Variants in SLCO1C1 observed in about 807,000 individuals in gnomAD.
The protein encoded by SLCO1C1 is solute carrier organic anion transporter family member 1C1, also known as OAT-RP-5.
A neutral mutation model predicts 76.4 loss-of-function variants in SLCO1C1; 70 were observed. The ratio of observed to expected loss-of-function variants is 0.92; its 90% CI spans 0.76 to 1.12. SLCO1C1 has a LOEUF of 1.12. Ranked by LOEUF, SLCO1C1 falls within the 50% of genes most tolerant of loss-of-function variation. The pLI is 0.00. For missense variants in SLCO1C1, 912 were observed against 823.8 expected (o/e 1.11, Z -1.31); for synonymous variants, 306 against 286.1 (o/e 1.07, Z -0.70).
At chr12:20,719,137 A>G (rs1051443130) in intron 7 of SLCO1C1, among the ~76,000 whole-genome samples, 3 of 123,590 alleles carry the variant, frequency 2.4e-5, no homozygotes, top group Non-Finnish European at 5.1e-5. Flanking sequence ...TTATTAGCTT[A>G]CCCATTATGG....
chr12:20,706,515 C>A (rs1314478463), intron 4 of SLCO1C1, among the ~76,000 whole-genome samples: 1 of 152,118 alleles, frequency 6.6e-6, no homozygotes, highest in Non-Finnish European at 1.5e-5. Context: ...AATGTCCATA[C>A]AGTATCTCTT....
At chr12:20,698,398 CT>C (rs1283204568) in intron 1 of SLCO1C1, among the ~76,000 whole-genome samples, 1 of 152,032 alleles carries the variant, frequency 6.6e-6, no homozygotes, top group African/African-American at 2.4e-5. Flanking sequence ...TTCCCACTCC[CT>C]AGAGGAATCC....
chr12:20,731,756 A>G (rs1185990145), intron 9 of SLCO1C1, among the ~76,000 whole-genome samples: 5 of 152,204 alleles, frequency 3.3e-5, no homozygotes, highest in Non-Finnish European at 5.9e-5. Context: ...AACAAATGGC[A>G]CCAAAGTGCC....
rs11045397 is a variant in SLCO1C1 at position 20,697,754 on chromosome 12, T to C, written c.-25-1798T>C. Among the ~76,000 whole-genome samples, 334 of 152,250 alleles carry C rather than the reference T, an allele frequency of 2.2e-3. 8 individuals are homozygous for C. The East Asian group carries it at 0.058, about 27-fold the overall frequency. On this transcript the variant is annotated intron_variant, in intron 1 of 14. Coordinates refer to ENST00000266509, the MANE Select transcript of SLCO1C1 (RefSeq NM_017435.5). ...GCATCTTTTAGAATAATTCTAATCA[T>C]AGAGCAAGAGTTAATTTGGATTTGC...
chr12:20,706,647 T>C (rs770674107), intron 4 of SLCO1C1, among the ~76,000 whole-genome samples: 5 of 152,322 alleles, frequency 3.3e-5, no homozygotes, highest in Middle Eastern at 3.4e-3. Flanking sequence ...ATGTCATTTT[T>C]ACCCTTATAG....
Position 20,723,244 on chromosome 12 carries a change from C to T in SLCO1C1, c.1176C>T (p.Asn392=), listed in dbSNP as rs1947771365. The T allele has an allele frequency of 6.2e-7, 1 of 1,613,590 alleles. No homozygotes were observed. The highest frequency in any genetic ancestry group is 1.3e-5 in the African/African-American group (1 of 74,900). ...QQYGQSSSRA[N]FVIGLINIPA... ...ATGGACAGTCATCCTCCAGGGCCAA[C>T]TTTGTGATCGGTATGCTCATCTGCC... Residue 392 remains asparagine, a synonymous_variant, in exon 9 of 15, where the codon AAC becomes AAT. Transcript: ENST00000266509.
chr12:20,740,538 A>G (rs1948754784), intron 12 of SLCO1C1, among the ~76,000 whole-genome samples, 170 bp downstream of exon 12: 1 of 151,664 alleles, frequency 6.6e-6, no homozygotes, highest in Non-Finnish European at 1.5e-5. Flanking sequence ...TTTATACAAA[A>G]ATGTGGCTGA....
At chr12:20,745,360 A>AT (rs545663083) in intron 13 of SLCO1C1, among the ~76,000 whole-genome samples, 1 of 152,258 alleles carries the variant, frequency 6.6e-6, no homozygotes, top group East Asian at 1.9e-4. Flanking sequence ...TAAAAAATAA[A>AT]ATTTTTTGCC....
chr12:20,698,890 C>T (rs940465453), intron 1 of SLCO1C1, among the ~76,000 whole-genome samples: 3 of 151,836 alleles, frequency 2.0e-5, no homozygotes, highest in South Asian at 2.1e-4. Context: ...CTGTGAGGGG[C>T]GGTGGGAAAT....
rs370431789 is a variant in SLCO1C1 at position 20,701,454 on chromosome 12, A to C, written c.266A>C (p.Glu89Ala). 6 of 1,503,294 alleles carry C rather than the reference A, an allele frequency of 4.0e-6. No homozygotes were observed. Among genetic ancestry groups the C allele is most frequent in the Admixed American group, 1.8e-5 (1 of 56,084 alleles). 93.1% of individuals were successfully genotyped at this position (1,503,294 alleles called of 1,614,324 possible). ...SLVGVIDGSF[E>A]IGNLLVITFV... ...GTGGGAGTTATTGATGGTAGTTTTG[A>C]AATTGGTAGGTATTACAGATGCCTG... is the stretch of plus-strand genomic sequence containing the variant. Residue 89 changes from glutamate to alanine, a missense_variant, in exon 3 of 15, where the codon GAA (glutamate) becomes GCA (alanine). Transcript: ENST00000266509.
rs1252605626 is a variant in SLCO1C1, at chr12:20,695,655, T to C, written c.-178T>C. 1 of 152,018 alleles carries C rather than the reference T, an allele frequency of 6.6e-6. No homozygotes were observed. Among genetic ancestry groups the C allele is most frequent in the African/African-American group, 2.4e-5 (1 of 41,400 alleles). The allele number at this position is 152,018 out of a possible 1,614,324, so 9.4% of individuals were successfully genotyped here. A position where few individuals can be genotyped will look rare whatever the true frequency, so the allele number is the denominator to read the frequency against. On this transcript the variant is annotated 5_prime_UTR_variant, in exon 1 of 15. Coordinates refer to ENST00000266509, the MANE Select transcript of SLCO1C1 (RefSeq NM_017435.5). ...ATCTTTTCTTTTCCCTAATCTCCTC[T>C]GCTTGTGTCCACCCACACTCTCCCC...
Position 20,752,312 on chromosome 12 carries a change from A to G in SLCO1C1, c.1923A>G (p.Ile641Met). 7 of 1,567,364 alleles carry G rather than the reference A, an allele frequency of 4.5e-6. No homozygotes were observed. Among genetic ancestry groups the G allele is most frequent in the Non-Finnish European group, 6.1e-6 (7 of 1,152,814 alleles). The change falls in exon 15 of 15, where the codon ATA (isoleucine) becomes ATG (methionine). Residue 641 changes from isoleucine to methionine, a missense_variant. Physicochemically the swap from Ile to Met is conservative, Grantham distance 10. Transcript: ENST00000266509. ...RLYDSNVFRH[I>M]YLGLTVILGT... is the part of the protein sequence containing the mutation. Reference sequence around the variant, plus strand: ...AGATTCTCTCTTCTTCTAGACATATATATCTGGGACTAACTGTGATACTGG... The same window carrying G: ...AGATTCTCTCTTCTTCTAGACATATGTATCTGGGACTAACTGTGATACTGG...
intron 12 of SLCO1C1, among the ~76,000 whole-genome samples, chr12:20,742,439 AC>A (rs1948861486): frequency 6.6e-6 from 1 of 151,980 alleles, no homozygotes; most frequent in Non-Finnish European, 1.5e-5. Flanking sequence ...CATTATGATT[AC>A]TATTAAATTT....
chr12:20,746,057 C>T (rs962147998), intron 13 of SLCO1C1, among the ~76,000 whole-genome samples: 4 of 152,038 alleles, frequency 2.6e-5, no homozygotes, highest in Non-Finnish European at 5.9e-5. Context: ...ATGACTGATT[C>T]AAGGCCTAGG....
chr12:20,741,934 A>AT (rs899171251), intron 12 of SLCO1C1, among the ~76,000 whole-genome samples: 3 of 152,274 alleles, frequency 2.0e-5, no homozygotes, highest in East Asian at 3.9e-4. Context: ...ATAAATACTA[A>AT]TTTTTTTCTA....
rs969275720 is a variant in SLCO1C1 at position 20,736,752 on chromosome 12, G to T, written c.1383-355G>T. On this transcript the variant is annotated intron_variant, in intron 10 of 14. Transcript: ENST00000266509. ...CACACCCCACCTGTGATGCATTGAA[G>T]TAGTGTCATAAATTGCTCTAAAAGT... 3.3e-5 allele frequency among the ~76,000 whole-genome samples: 5 copies of T among 152,164 alleles called. No individual in the cohort carries two copies. In the South Asian group the frequency reaches 8.3e-4, roughly 25 times the overall value.
chr12:20,719,059 G>A (rs898811852), intron 7 of SLCO1C1, among the ~76,000 whole-genome samples: 34 of 151,474 alleles, frequency 2.2e-4, no homozygotes, highest in African/African-American at 7.3e-4. Flanking sequence ...TTGGGTCTCC[G>A]TGTCACATTT....
chr12:20,717,149 G>A lies in SLCO1C1; in HGVS notation c.694G>A (p.Ala232Thr). Residue 232 changes from alanine (A) to threonine (T), a missense_variant, in exon 7 of 15, where the codon GCA becomes ACA. Ala to Thr is a moderately conservative substitution (Grantham distance 58). Coordinates refer to ENST00000266509, the MANE Select transcript of SLCO1C1 (RefSeq NM_017435.5). ...TGGTGCAGGGTGTGTGCAGACGGTT[G>A]CAATTATAGGACCAATCTTTGGTTT... ...AFYIGCVQTVAIIGPIFGFLL... is the reference protein window; with the variant it reads ...AFYIGCVQTVTIIGPIFGFLL... The A allele has an allele frequency of 6.2e-7, 1 of 1,601,146 alleles. No homozygotes were observed. Among genetic ancestry groups the A allele is most frequent in the Non-Finnish European group, 8.5e-7 (1 of 1,175,620 alleles).
intron 9 of SLCO1C1, among the ~76,000 whole-genome samples, chr12:20,730,087 G>A (rs1175709641): frequency 6.6e-6 from 1 of 152,026 alleles, no homozygotes; most frequent in Non-Finnish European, 1.5e-5. Flanking sequence ...TACTTCTTAC[G>A]TCCAGGTTCA....
Sources: gnomAD v4.1 joint callset for allele counts (sites outside exome capture counted in the v4.1 genomes callset) on GRCh38, gnomAD v4.1.1 for gene constraint, MANE v1.5 for transcripts, NCBI Gene and HGNC (gene_info 2026-07-23, HGNC 2026-07-21) for gene names.